Variants in DOCK7 observed in about 807,000 individuals in gnomAD.
The protein encoded by DOCK7 is dedicator of cytokinesis protein 7.
A neutral mutation model predicts 271.0 loss-of-function variants in DOCK7; 138 were observed. The ratio of observed to expected loss-of-function variants is 0.51; its 90% CI spans 0.44 to 0.59. The LOEUF is 0.59. Among genes scored for constraint, DOCK7 ranks in the 20% least tolerant of loss-of-function variants. The pLI, the probability that DOCK7 is intolerant of heterozygous loss-of-function variation, is 0.00. For synonymous variants in DOCK7, 823 were observed against 876.1 expected, an observed-to-expected ratio of 0.94 and a Z score of 1.07; for missense variants, 2,066 against 2,592.4, an observed-to-expected ratio of 0.80 and a Z score of 4.41.
At chr1:62,646,553 CCT>C (rs998150644) in intron 7 of DOCK7, among the ~76,000 whole-genome samples, 3 of 152,070 alleles carry the variant, frequency 2.0e-5, no homozygotes, top group African/African-American at 7.2e-5. Context: ...ATACCAGAGA[CCT>C]CTCTCTCTCT....
intron 14 of DOCK7, among the ~76,000 whole-genome samples, chr1:62,612,366 T>G (rs947232741): frequency 2.0e-5 from 3 of 151,894 alleles, no homozygotes; most frequent in Admixed American, 6.6e-5. Flanking sequence ...CAACACAGAC[T>G]GGGGACAGTC....
intron 36 of DOCK7, 143 bp from the exon 37 acceptor site, chr1:62,504,925 G>T: frequency 3.0e-6 from 3 of 1,016,692 alleles, no homozygotes; most frequent in Non-Finnish European, 4.1e-6. Flanking sequence ...ATGGTTAATA[G>T]TGTGAGACAC....
intron 18 of DOCK7, among the ~76,000 whole-genome samples, chr1:62,562,327 G>C (rs1241247386): frequency 7.1e-6 from 1 of 141,556 alleles, no homozygotes; most frequent in South Asian, 2.2e-4. Flanking sequence ...CACCTCCCAG[G>C]TTCAAAGGAT....
intron 18 of DOCK7, among the ~76,000 whole-genome samples, chr1:62,569,895 G>A (rs1646712747): frequency 6.6e-6 from 1 of 152,138 alleles, no homozygotes; most frequent in African/African-American, 2.4e-5. Flanking sequence ...TGTATCTTTA[G>A]TAGAGACGGG....
At position 62,574,231 on chromosome 1, in the gene DOCK7, A is replaced by C. The variant is rs998024317; in HGVS notation, c.2112+3031T>G. Reference sequence around the variant, plus strand: ...AAGGAGTGTGAATGCTATGAAGAGAACCCCAATAAATAGAACATCATTAAA... The same window carrying C: ...AAGGAGTGTGAATGCTATGAAGAGACCCCCAATAAATAGAACATCATTAAA... On this transcript the variant is annotated intron_variant, in intron 18 of 49. Coordinates refer to ENST00000635253, the MANE Select transcript of DOCK7 (RefSeq NM_001367561.1). Among the ~76,000 whole-genome samples the C allele has an allele frequency of 3.3e-5, 5 of 152,214 alleles. No individual in the cohort carries two copies. In the Middle Eastern group the frequency reaches 0.01, roughly 311 times the overall value.
intron 1 of DOCK7, among the ~76,000 whole-genome samples, chr1:62,687,897 C>A (rs929741026): frequency 5.3e-5 from 8 of 152,216 alleles, no homozygotes; most frequent in African/African-American, 1.9e-4. Context: ...ATTTGGGAAG[C>A]GGCCGACCGC....
At chr1:62,475,609 A>G in intron 46 of DOCK7, 98 bp downstream of exon 46, 2 of 1,210,812 alleles carry the variant, frequency 1.7e-6, no homozygotes, top group Non-Finnish European at 2.4e-6. Context: ...ATGTTATGGT[A>G]TAAGGGATGG....
chr1:62,646,200 C>T (rs941661592), intron 7 of DOCK7, among the ~76,000 whole-genome samples: 3 of 149,030 alleles, frequency 2.0e-5, no homozygotes, highest in Non-Finnish European at 4.5e-5. Flanking sequence ...TATGCTATAA[C>T]ACAGATGAAC....
At chr1:62,573,165 C>T (rs1226929816) in intron 18 of DOCK7, among the ~76,000 whole-genome samples, 1 of 151,960 alleles carries the variant, frequency 6.6e-6, no homozygotes, top group African/African-American at 2.4e-5. Context: ...GCTGCTGTGT[C>T]TACAATTTTA....
intron 19 of DOCK7, among the ~76,000 whole-genome samples, chr1:62,560,846 T>TA (rs1287859311): frequency 1.3e-5 from 2 of 152,224 alleles, no homozygotes; most frequent in African/African-American, 4.8e-5. Context: ...GTACTAATTT[T>TA]ATCATACTTT....
At chr1:62,534,830 C>G (rs570050359) in intron 29 of DOCK7, among the ~76,000 whole-genome samples, 2 of 152,238 alleles carry the variant, frequency 1.3e-5, no homozygotes, top group African/African-American at 4.8e-5. Flanking sequence ...CAGTGGCTCA[C>G]ACCTGTAATC....
At chr1:62,653,050 G>A (rs1034526956) in intron 4 of DOCK7, among the ~76,000 whole-genome samples, 5 of 152,116 alleles carry the variant, frequency 3.3e-5, no homozygotes, top group Non-Finnish European at 7.4e-5. Context: ...CTATAATGCC[G>A]TATCAGAATT....
At position 62,636,556 on chromosome 1, in the gene DOCK7, T is replaced by A; in HGVS notation, c.866A>T (p.Asp289Val). The change falls in exon 8 of 50, where the codon GAT becomes GTT. Residue 289 changes from aspartate to valine, a missense_variant. This residue lies in a region of DOCK7 where 1,414 missense variants were observed against 1,670.4 expected (regional missense o/e 0.85). Coordinates refer to ENST00000635253, the MANE Select transcript of DOCK7 (RefSeq NM_001367561.1). ...EPIFASLALY[D>V]VKEKKKISEN... is the part of the protein sequence containing the mutation. ...TCTTACCTTTTTCTTTTCCTTGACATCATATAAAGCCAAACTTGCAAAAAT... is the reference window on the plus strand; with the variant it reads ...TCTTACCTTTTTCTTTTCCTTGACAACATATAAAGCCAAACTTGCAAAAAT... 6.2e-7 allele frequency: 1 copy of A among 1,602,744 alleles called. No homozygotes were observed. The highest frequency in any genetic ancestry group is 8.5e-7 in the Non-Finnish European group (1 of 1,173,054).
rs1052634851 is a variant in DOCK7, at chr1:62,455,119, ACTT to A, written c.*292_*294del. 1.9e-6 allele frequency: 1 copy of A among 532,462 alleles called. No individual in the cohort carries two copies. The highest frequency in any genetic ancestry group is 3.3e-6 in the Non-Finnish European group (1 of 304,206). 33.0% of individuals were successfully genotyped at this position (532,462 alleles called of 1,614,324 possible). ...TGGTAATATAAATTAAAAAATACGA[ACTT>A]AAAGTGAATAAATTTTTAACCTTAG... On this transcript the variant is annotated 3_prime_UTR_variant, in exon 50 of 50. Transcript: ENST00000635253.
intron 8 of DOCK7, 27 bp downstream of exon 8, chr1:62,636,510 A>G (rs1250115822): frequency 1.9e-6 from 3 of 1,541,440 alleles, no homozygotes; most frequent in Admixed American, 3.6e-5. Flanking sequence ...TATGACAAAT[A>G]ACTATGGTCA....
At chr1:62,547,325 A>T (rs1329511881) in intron 22 of DOCK7, among the ~76,000 whole-genome samples, 1 of 152,232 alleles carries the variant, frequency 6.6e-6, no homozygotes, top group African/African-American at 2.4e-5. Flanking sequence ...CTCATCACTT[A>T]TATTTAATAT....
rs541161136 is a variant in DOCK7 at position 62,462,315 on chromosome 1, A to G, written c.6213-4610T>C. On this transcript the variant is annotated intron_variant, in intron 48 of 49. Coordinates refer to ENST00000635253, the MANE Select transcript of DOCK7 (RefSeq NM_001367561.1). ...TGATTCTAAAATTTAAAATTTATAT[A>G]AAATTGAAAACAGCCAAAAACAGTC... 3.3e-5 allele frequency among the ~76,000 whole-genome samples: 5 copies of G among 152,328 alleles called. No homozygotes were observed. In the South Asian group the frequency reaches 6.2e-4, roughly 19 times the overall value.
At chr1:62,582,848 G>A (rs1371441210) in intron 16 of DOCK7, among the ~76,000 whole-genome samples, 1 of 152,158 alleles carries the variant, frequency 6.6e-6, no homozygotes, top group African/African-American at 2.4e-5. Context: ...TGACTAATGT[G>A]TTCAAGCTTA....
At chr1:62,577,001 G>C (rs1289090324) in intron 18 of DOCK7, among the ~76,000 whole-genome samples, 1 of 152,054 alleles carries the variant, frequency 6.6e-6, no homozygotes, top group African/African-American at 2.4e-5. Flanking sequence ...ATGATCTTTT[G>C]AGTTTACATT....
Sources: allele counts gnomAD v4.1 joint callset (sites outside exome capture counted in the v4.1 genomes callset), GRCh38; gene constraint gnomAD v4.1.1; regional missense constraint gnomAD v4.1.1; transcripts MANE v1.5; gene names NCBI Gene and HGNC (gene_info 2026-07-23, HGNC 2026-07-21).